SLC25A21: variants seen among roughly 807,000 people sequenced by gnomAD.
SLC25A21 encodes the protein solute carrier family 25 member 21, also known as mitochondrial 2-oxodicarboxylate carrier.
Under a neutral mutation model 43.8 loss-of-function variants are expected in SLC25A21, and 47 were observed. The ratio of observed to expected loss-of-function variants is 1.07; its 90% CI spans 0.85 to 1.37. The LOEUF (loss-of-function observed/expected upper bound fraction) is 1.37. SLC25A21 is among the 40% of genes most tolerant of loss of function. The pLI, the probability that SLC25A21 is intolerant of heterozygous loss-of-function variation, is 0.00. For synonymous variants in SLC25A21, 131 were observed against 121.3 expected, an observed-to-expected ratio of 1.08 and a Z score of -0.52; for missense variants, 352 against 350.2, an observed-to-expected ratio of 1.00 and a Z score of -0.04.
intron 1 of SLC25A21, among the ~76,000 whole-genome samples, chr14:36,973,832 C>T (rs565038322): frequency 6.6e-6 from 1 of 152,176 alleles, no homozygotes; most frequent in East Asian, 1.9e-4. Context: ...CAAGATAATT[C>T]ATTTAAAGGA....
At position 36,729,582 on chromosome 14, in the gene SLC25A21, A is replaced by C. The variant is rs375312560; in HGVS notation, c.271-16T>G. 2.5e-6 allele frequency: 4 copies of C among 1,599,486 alleles called. No individual in the cohort carries two copies. Among genetic ancestry groups the C allele is most frequent in the Middle Eastern group, 1.7e-4 (1 of 5,854 alleles). ...AGGTGAAAAACTGTGAAACAAAACCAAACTCACAGATTTATAACAATTTTC... is the reference window on the plus strand; with the variant it reads ...AGGTGAAAAACTGTGAAACAAAACCCAACTCACAGATTTATAACAATTTTC... On this transcript the variant is annotated splice_polypyrimidine_tract_variant and intron_variant, in intron 4 of 9. Coordinates refer to ENST00000331299, the MANE Select transcript of SLC25A21 (RefSeq NM_030631.4).
In SLC25A21 at chr14:36,689,914, C is replaced by T. The variant is rs79298088; in HGVS notation, c.604-4989G>A. ...TTGATGCTCTAAGATTCACCTTAAT[C>T]ATTGACCCTAAGGGGCTCTGGCTGT... is the stretch of plus-strand genomic sequence containing the variant. On this transcript the variant is annotated intron_variant, in intron 7 of 9. Transcript: ENST00000331299. Among the ~76,000 whole-genome samples the T allele has an allele frequency of 6.1e-3, 932 of 152,338 alleles. 12 individuals carry two copies. The highest frequency in any genetic ancestry group is 0.022 in the African/African-American group (901 of 41,584).
At chr14:37,039,795 C>A (rs573216475) in intron 1 of SLC25A21, among the ~76,000 whole-genome samples, 210 of 152,260 alleles carry the variant, frequency 1.4e-3, no homozygotes, top group Admixed American at 2.3e-3. Context: ...AGAGCTTAAT[C>A]TATGCCATGA....
intron 7 of SLC25A21, among the ~76,000 whole-genome samples, chr14:36,703,858 C>T (rs1883383825): frequency 6.6e-6 from 1 of 152,156 alleles, no homozygotes; most frequent in Non-Finnish European, 1.5e-5. Context: ...AGAGTTTATT[C>T]CCATGGATAT....
chr14:37,025,096 T>C (rs949979355), intron 1 of SLC25A21, among the ~76,000 whole-genome samples: 1 of 152,016 alleles, frequency 6.6e-6, no homozygotes, highest in Non-Finnish European at 1.5e-5. Context: ...AAATATTTAA[T>C]GACAACTTAC....
At chr14:36,869,122 A>G (rs529549599) in intron 2 of SLC25A21, among the ~76,000 whole-genome samples, 12 of 152,288 alleles carry the variant, frequency 7.9e-5, no homozygotes, top group Non-Finnish European at 1.6e-4. Context: ...GACAGAATTG[A>G]GGCAGGGACA....
intron 2 of SLC25A21, among the ~76,000 whole-genome samples, chr14:36,846,541 C>T (rs1889549878): frequency 6.6e-6 from 1 of 152,014 alleles, no homozygotes; most frequent in Admixed American, 6.6e-5. Context: ...GCCACCACAC[C>T]CAGCCAATTT....
At chr14:37,015,598 A>T (rs574086413) in intron 1 of SLC25A21, among the ~76,000 whole-genome samples, 1 of 151,278 alleles carries the variant, frequency 6.6e-6, no homozygotes, top group South Asian at 2.1e-4. Flanking sequence ...CTAGTTCTGG[A>T]TCCCTGAGGA....
chr14:36,929,301 T>C (rs1224138981), intron 1 of SLC25A21, among the ~76,000 whole-genome samples: 1 of 152,130 alleles, frequency 6.6e-6, no homozygotes, highest in Non-Finnish European at 1.5e-5. Flanking sequence ...GTCCATGGGA[T>C]TTTGTTTCTA....
At chr14:37,037,758 A>G (rs1055006715) in intron 1 of SLC25A21, among the ~76,000 whole-genome samples, 1 of 152,052 alleles carries the variant, frequency 6.6e-6, no homozygotes, top group Non-Finnish European at 1.5e-5. Context: ...CCCAGCCCAG[A>G]AGTCTTCGCA....
chr14:36,690,228 C>A (rs1016121263), intron 7 of SLC25A21, among the ~76,000 whole-genome samples: 1 of 152,100 alleles, frequency 6.6e-6, no homozygotes, highest in African/African-American at 2.4e-5. Context: ...AATTGCTATA[C>A]ATGTTATAAT....
intron 3 of SLC25A21, among the ~76,000 whole-genome samples, chr14:36,811,646 C>T (rs1426130539): frequency 1.3e-5 from 2 of 151,532 alleles, no homozygotes; most frequent in Non-Finnish European, 2.9e-5. Flanking sequence ...AGTGAGAGTC[C>T]GTCTCAAAAA....
chr14:36,941,748 C>G (rs957152643), intron 1 of SLC25A21, among the ~76,000 whole-genome samples: 2 of 151,462 alleles, frequency 1.3e-5, no homozygotes, highest in African/African-American at 4.9e-5. Flanking sequence ...ATTTTTATCT[C>G]AAGAAGTAAA....
At chr14:37,119,476 G>C (rs1963166100) in intron 1 of SLC25A21, among the ~76,000 whole-genome samples, 1 of 152,036 alleles carries the variant, frequency 6.6e-6, no homozygotes, top group African/African-American at 2.4e-5. Flanking sequence ...AGAATTGCTT[G>C]AACCTGGGAG....
intron 1 of SLC25A21, among the ~76,000 whole-genome samples, chr14:37,147,505 C>T (rs1429384330): frequency 6.6e-6 from 1 of 152,112 alleles, no homozygotes; most frequent in African/African-American, 2.4e-5. Flanking sequence ...CATTCTCCAC[C>T]AGTTAGAGCT....
At chr14:37,085,524 T>C (rs1394604854) in intron 1 of SLC25A21, among the ~76,000 whole-genome samples, 1 of 152,228 alleles carries the variant, frequency 6.6e-6, no homozygotes, top group Non-Finnish European at 1.5e-5. Context: ...ACATTGATTC[T>C]CAATCCTCTC....
chr14:36,848,714 A>G (rs1889625740), intron 2 of SLC25A21, among the ~76,000 whole-genome samples: 2 of 152,220 alleles, frequency 1.3e-5, no homozygotes, highest in Admixed American at 6.5e-5. Flanking sequence ...GATCCATTAC[A>G]TATTTCAAAT....
chr14:36,872,719 CAA>C (rs943958570), intron 2 of SLC25A21, among the ~76,000 whole-genome samples: 3 of 152,192 alleles, frequency 2.0e-5, no homozygotes, highest in African/African-American at 7.2e-5. Context: ...TGAAGTTAGG[CAA>C]AGTCATGTGA....
intron 1 of SLC25A21, among the ~76,000 whole-genome samples, chr14:37,114,076 C>T (rs1455595581): frequency 6.6e-6 from 1 of 152,032 alleles, no homozygotes; most frequent in Non-Finnish European, 1.5e-5. Context: ...CATGTTCTGA[C>T]ATTCCATTTT....
Sources: allele counts gnomAD v4.1 joint callset (sites outside exome capture counted in the v4.1 genomes callset), GRCh38; gene constraint gnomAD v4.1.1; transcripts MANE v1.5; gene names NCBI Gene and HGNC (gene_info 2026-07-23, HGNC 2026-07-21).